The following CDH23 variants were observed in gnomAD, a reference collection of about 807,000 sequenced individuals.
CDH23 encodes cadherin-23.
A neutral mutation model predicts 317.1 loss-of-function variants in CDH23; 189 were observed. The observed-to-expected ratio is 0.60, with a 90% confidence interval of 0.53 to 0.67. The LOEUF (loss-of-function observed/expected upper bound fraction) is 0.67, where lower values mean the gene tolerates loss of function less well. Ranked by LOEUF, CDH23 falls within the 30% of genes least tolerant of loss-of-function variation. CDH23 has a pLI of 0.00. For synonymous variants in CDH23, 1,839 were observed against 1,876.8 expected, an observed-to-expected ratio of 0.98 and a Z score of 0.52; for missense variants, 4,401 against 4,592.4, an observed-to-expected ratio of 0.96 and a Z score of 1.20.
At chr10:71,811,116 T>C (rs1350558801) in intron 62 of CDH23, among the ~76,000 whole-genome samples, 199 bp from the exon 63 acceptor site, 1 of 141,774 alleles carries the variant, frequency 7.1e-6, no homozygotes, top group African/African-American at 2.6e-5. Flanking sequence ...GAGTATTCCA[T>C]CCACTGTAAG....
chr10:71,429,340 T>C (rs1849259384), intron 1 of CDH23, among the ~76,000 whole-genome samples: 1 of 152,200 alleles, frequency 6.6e-6, no homozygotes, highest in African/African-American at 2.4e-5. Flanking sequence ...GGGTGTGTTC[T>C]TCTCAAATTG....
chr10:71,775,161 C>T (rs1162691643), intron 38 of CDH23, among the ~76,000 whole-genome samples: 1 of 152,132 alleles, frequency 6.6e-6, no homozygotes, highest in African/African-American at 2.4e-5. Flanking sequence ...TCCCTTCCAC[C>T]AGGGGAGGTA....
At chr10:71,775,755 A>C (rs1175698761) in intron 38 of CDH23, among the ~76,000 whole-genome samples, 2 of 151,964 alleles carry the variant, frequency 1.3e-5, no homozygotes, top group African/African-American at 4.8e-5. Flanking sequence ...CAGCCTGCAC[A>C]CTCCATCATG....
chr10:71,582,678 C>A (rs569846235), intron 9 of CDH23, among the ~76,000 whole-genome samples: 1 of 152,080 alleles, frequency 6.6e-6, no homozygotes, highest in African/African-American at 2.4e-5. Flanking sequence ...TGAGCTGAGC[C>A]GAGTCAGCAC....
chr10:71,798,333 C>T lies in CDH23; in HGVS notation c.6830-21C>T, dbSNP rs1317107881. 2.5e-6 allele frequency: 4 copies of T among 1,586,040 alleles called. No homozygotes were observed. In the South Asian group the frequency reaches 3.3e-5, roughly 13 times the overall value. Reference sequence around the variant, plus strand: ...ACACTAGTGTCCTTCCCCTCTCCCTCACTCCCTGCCTCCACCACAGCCAAG... The same window carrying T: ...ACACTAGTGTCCTTCCCCTCTCCCTTACTCCCTGCCTCCACCACAGCCAAG... On this transcript the variant is annotated intron_variant, in intron 49 of 69. Transcript: ENST00000224721.
chr10:71,617,117 T>A lies in CDH23; in HGVS notation c.946-88T>A. On this transcript the variant is annotated intron_variant, in intron 10 of 69. Coordinates refer to ENST00000224721, the MANE Select transcript of CDH23 (RefSeq NM_022124.6). ...TGGGATCATTCACATTGAGGCACAGTGGCTGGTGCTGAGAAAGTCTTTGGT... is the reference window on the plus strand; with the variant it reads ...TGGGATCATTCACATTGAGGCACAGAGGCTGGTGCTGAGAAAGTCTTTGGT... 2.0e-6 allele frequency: 3 copies of A among 1,493,156 alleles called. No homozygotes were observed. The South Asian group carries it at 4.0e-5, about 20-fold the overall frequency. The allele number at this position is 1,493,156 out of a possible 1,614,324, so 92.5% of individuals were successfully genotyped here. A position where few individuals can be genotyped will look rare whatever the true frequency, so the allele number is the denominator to read the frequency against.
At chr10:71,420,381 C>T (rs1460839291) in intron 1 of CDH23, among the ~76,000 whole-genome samples, 1 of 36,268 alleles carries the variant, frequency 2.8e-5, no homozygotes, top group African/African-American at 9.8e-5. Flanking sequence ...AGTCTATGCA[C>T]ACACATGATG....
chr10:71,429,565 C>G (rs1849268785), intron 1 of CDH23, among the ~76,000 whole-genome samples: 1 of 152,044 alleles, frequency 6.6e-6, no homozygotes, highest in Non-Finnish European at 1.5e-5. Flanking sequence ...AATGAGCTGG[C>G]AGGTTTGAGG....
Position 71,751,765 on chromosome 10 carries a change from G to C in CDH23, c.4845+9844G>C. ...GCCCAGACTCAGAAGGCTGCCGCTG[G>C]GCCACATAGGACAGGGGGTGCCTGA... On this transcript the variant is annotated intron_variant, in intron 38 of 69. Transcript: ENST00000224721. The surrounding 1 kb of genome is among the most constrained non-coding windows in gnomAD (Gnocchi z 4.9). 6.2e-7 allele frequency: 1 copy of C among 1,604,338 alleles called. No homozygotes were observed. Among genetic ancestry groups the C allele is most frequent in the Non-Finnish European group, 8.5e-7 (1 of 1,175,076 alleles).
At chr10:71,715,958 T>G in intron 28 of CDH23, 3 of 1,477,232 alleles carry the variant, frequency 2.0e-6, no homozygotes, top group Non-Finnish European at 2.7e-6. Flanking sequence ...AGATTCCATG[T>G]AGTCACAGTG....
intron 60 of CDH23, among the ~76,000 whole-genome samples, chr10:71,809,185 T>TTG (rs1296817763): frequency 7.6e-6 from 1 of 131,374 alleles, no homozygotes; most frequent in African/African-American, 2.8e-5. Context: ...TTTTTTTTTT[T>TTG]TTTTTTGGTG....
intron 11 of CDH23, among the ~76,000 whole-genome samples, chr10:71,637,573 T>C (rs997572950): frequency 3.3e-5 from 5 of 152,226 alleles, no homozygotes; most frequent in African/African-American, 9.7e-5. Flanking sequence ...AGGCAGTGCC[T>C]GAGCCTAGGC....
chr10:71,633,404 C>T (rs1329034503), intron 11 of CDH23, among the ~76,000 whole-genome samples: 4 of 152,092 alleles, frequency 2.6e-5, no homozygotes, highest in Non-Finnish European at 4.4e-5. Context: ...ACTATGCGGC[C>T]AATACACATA....
chr10:71,483,852 GTGTTCACTCTCCCCCCACACACA>G (rs1371661201), intron 3 of CDH23, among the ~76,000 whole-genome samples: 2 of 152,232 alleles, frequency 1.3e-5, no homozygotes, highest in East Asian at 1.9e-4. Flanking sequence ...CTGTGTTTCT[GTGTTCACTCTCCCCCCACACACA>G]TGTTCACTCT....
intron 6 of CDH23, among the ~76,000 whole-genome samples, chr10:71,532,422 T>C (rs1029363236): frequency 1.6e-4 from 24 of 152,142 alleles, no homozygotes; most frequent in African/African-American, 5.3e-4. Context: ...GGCCCTTCTT[T>C]AGGAGCACTG....
intron 11 of CDH23, among the ~76,000 whole-genome samples, chr10:71,625,396 T>TTAAA (rs1179590707): frequency 5.0e-5 from 1 of 19,836 alleles, no homozygotes; most frequent in African/African-American, 1.6e-4. Flanking sequence ...CCAAATAAAT[T>TTAAA]AAAAAAAAAA....
intron 11 of CDH23, among the ~76,000 whole-genome samples, chr10:71,637,717 C>T (rs1036488938): frequency 9.2e-5 from 14 of 152,092 alleles, no homozygotes; most frequent in Non-Finnish European, 2.9e-5. Flanking sequence ...GGCCCCACTC[C>T]GCACTCCAGA....
At chr10:71,407,349 A>C (rs1848139458) in intron 1 of CDH23, among the ~76,000 whole-genome samples, 1 of 152,020 alleles carries the variant, frequency 6.6e-6, no homozygotes, top group South Asian at 2.1e-4. Context: ...CCTATAATTG[A>C]TCCTGGGCTG....
chr10:71,729,212 A>G (rs951152586), intron 30 of CDH23, among the ~76,000 whole-genome samples: 1 of 152,226 alleles, frequency 6.6e-6, no homozygotes, highest in Non-Finnish European at 1.5e-5. Flanking sequence ...AGTGCTGGTA[A>G]GCGGTGAGGA....
Sources: allele counts gnomAD v4.1 joint callset (sites outside exome capture counted in the v4.1 genomes callset), GRCh38; gene constraint gnomAD v4.1.1; non-coding constraint Gnocchi (gnomAD v3.1); transcripts MANE v1.5; gene names NCBI Gene and HGNC (gene_info 2026-07-23, HGNC 2026-07-21).